The following PGBD1 variants were observed in gnomAD, a reference collection of about 807,000 sequenced individuals.
The protein encoded by PGBD1 is piggyBac transposable element derived 1, also known as piggyBac transposable element-derived protein 1.
In PGBD1, 25 loss-of-function variants were observed where a neutral mutation model predicts 34.7. The observed-to-expected ratio is 0.72, with a 90% CI of 0.52 to 1.00. The LOEUF (loss-of-function observed/expected upper bound fraction) is 1.00, where lower values mean the gene tolerates loss of function less well. PGBD1 is among the 50% of genes least tolerant of loss of function. The probability of loss-of-function intolerance (pLI) is 0.00; values close to 1 mark genes in which losing one functional copy is unlikely to be tolerated. For synonymous variants in PGBD1, 292 were observed against 335.7 expected, an observed-to-expected ratio of 0.87 and a Z score of 1.42; for missense variants, 830 against 959.4, an observed-to-expected ratio of 0.87 and a Z score of 1.78.
chr6:28,286,268 T>G (rs1467658322), intron 3 of PGBD1, among the ~76,000 whole-genome samples: 2 of 152,232 alleles, frequency 1.3e-5, no homozygotes, highest in African/African-American at 2.4e-5. Flanking sequence ...TTTATATTTT[T>G]GGGTTAGAAT....
intron 4 of PGBD1, among the ~76,000 whole-genome samples, chr6:28,292,748 G>T (rs1762499370): frequency 6.6e-6 from 1 of 151,830 alleles, no homozygotes; most frequent in African/African-American, 2.4e-5. Flanking sequence ...TTTGCAAATT[G>T]ACCAAGGGGT....
chr6:28,298,712 G>T (rs1441695413), intron 6 of PGBD1, among the ~76,000 whole-genome samples: 1 of 152,106 alleles, frequency 6.6e-6, no homozygotes, highest in Admixed American at 6.5e-5. Context: ...CATAAGTGCT[G>T]GTTGTGGGAA....
rs1762778727 is a variant in PGBD1, at chr6:28,300,090, T to C, written c.870-634T>C. ...CCCATAAAAATCAGTCCAAGTGCAATGAGTTGAGTTTCATTTGTTTTTCCC... is the reference window on the plus strand; with the variant it reads ...CCCATAAAAATCAGTCCAAGTGCAACGAGTTGAGTTTCATTTGTTTTTCCC... On this transcript the variant is annotated intron_variant, in intron 6 of 6. Coordinates refer to ENST00000682144, the MANE Select transcript of PGBD1 (RefSeq NM_032507.4). The surrounding 1 kb of genome is among the most constrained non-coding windows in gnomAD (Gnocchi z 4.0). 1.3e-5 allele frequency among the ~76,000 whole-genome samples: 2 copies of C among 152,040 alleles called. No homozygotes were observed. The highest frequency in any genetic ancestry group is 1.3e-4 in the Admixed American group (2 of 15,254).
intron 4 of PGBD1, among the ~76,000 whole-genome samples, chr6:28,288,796 T>C (rs1762363662): frequency 6.6e-6 from 1 of 152,038 alleles, no homozygotes; most frequent in South Asian, 2.1e-4. Context: ...GAGACCAGCC[T>C]GGCCTACCTG....
At position 28,295,097 on chromosome 6, in the gene PGBD1, C is replaced by T. The variant is rs139144133; in HGVS notation, c.643-1719C>T. Among the ~76,000 whole-genome samples the T allele has an allele frequency of 8.5e-5, 13 of 152,178 alleles. No homozygotes were observed. The South Asian group carries it at 1.9e-3, about 22-fold the overall frequency. ...AGTTTGGAAGAAATTGGTTCTAACA[C>T]TCATCATTGTCTTTGAGAGGTTTAG... On this transcript the variant is annotated intron_variant, in intron 4 of 6. Coordinates refer to ENST00000682144, the MANE Select transcript of PGBD1 (RefSeq NM_032507.4).
chr6:28,296,151 C>A (rs984064353), intron 4 of PGBD1, among the ~76,000 whole-genome samples: 5 of 152,176 alleles, frequency 3.3e-5, no homozygotes, highest in Non-Finnish European at 7.3e-5. Context: ...TTCCAGCCTA[C>A]ATATCATTAC....
Position 28,285,671 on chromosome 6 carries a change from C to T in PGBD1, c.517C>T (p.Pro173Ser). 2 of 1,614,048 alleles carry T rather than the reference C, an allele frequency of 1.2e-6. No individual in the cohort carries two copies. The highest frequency in any genetic ancestry group is 1.7e-6 in the Non-Finnish European group (2 of 1,180,024). ...PGITTLKCEP[P>S]QRPQGNPQEV... is the part of the protein sequence containing the mutation. Reference sequence around the variant, plus strand: ...GATAACCACCCTGAAGTGTGAACCTCCACAGCGTCCTCAAGGGAACCCCCA... The same window carrying T: ...GATAACCACCCTGAAGTGTGAACCTTCACAGCGTCCTCAAGGGAACCCCCA... The change falls in exon 3 of 7, where the codon CCA (proline) becomes TCA (serine). Residue 173 changes from proline (P) to serine (S), a missense_variant. Pro to Ser is a moderately conservative substitution (Grantham distance 74). Transcript: ENST00000682144.
intron 3 of PGBD1, 64 bp downstream of exon 3, chr6:28,285,771 C>A: frequency 6.6e-7 from 1 of 1,520,384 alleles, no homozygotes; most frequent in South Asian, 1.2e-5. Context: ...GCACAGCCTT[C>A]TTGACCTCAA....
In PGBD1 at chr6:28,297,024, C is replaced by T. The variant is rs985298162; in HGVS notation, c.772+79C>T. The T allele has an allele frequency of 3.2e-6, 5 of 1,545,548 alleles. No individual in the cohort carries two copies. The African/African-American group carries it at 5.5e-5, about 17-fold the overall frequency. Reference sequence around the variant, plus strand: ...TCACCCTGGCTTGGCCCTTGGGAGGCCACGTTTCCTACAGACCCACACCCT... The same window carrying T: ...TCACCCTGGCTTGGCCCTTGGGAGGTCACGTTTCCTACAGACCCACACCCT... On this transcript the variant is annotated intron_variant, in intron 5 of 6. Coordinates refer to ENST00000682144, the MANE Select transcript of PGBD1 (RefSeq NM_032507.4).
At chr6:28,298,566 ATCT>A (rs766771717) in intron 6 of PGBD1, among the ~76,000 whole-genome samples, 2 of 152,046 alleles carry the variant, frequency 1.3e-5, no homozygotes, top group African/African-American at 2.4e-5. Context: ...AAATTCAAAA[ATCT>A]TCTGACCCCA....
chr6:28,286,168 T>C (rs1488208276), intron 3 of PGBD1, among the ~76,000 whole-genome samples: 1 of 152,178 alleles, frequency 6.6e-6, no homozygotes, highest in Non-Finnish European at 1.5e-5. Context: ...CTTTATTCCT[T>C]CTAGAAATGC....
intron 1 of PGBD1, among the ~76,000 whole-genome samples, chr6:28,282,213 G>T (rs1242077352): frequency 6.6e-6 from 1 of 152,224 alleles, no homozygotes; most frequent in African/African-American, 2.4e-5. Flanking sequence ...TACTTAGCAT[G>T]GCAGTGACAT....
At chr6:28,293,824 C>T (rs1762544217) in intron 4 of PGBD1, among the ~76,000 whole-genome samples, 1 of 152,144 alleles carries the variant, frequency 6.6e-6, no homozygotes, top group Non-Finnish European at 1.5e-5. Context: ...TTCCTTGGTC[C>T]TTGCTATGTC....
At chr6:28,296,191 G>A (rs1762625305) in intron 4 of PGBD1, among the ~76,000 whole-genome samples, 1 of 152,158 alleles carries the variant, frequency 6.6e-6, no homozygotes, top group Non-Finnish European at 1.5e-5. Flanking sequence ...AACAATCTTT[G>A]TTGATGAAAT....
chr6:28,286,967 A>G, intron 3 of PGBD1, 113 bp from the exon 4 acceptor site: 1 of 769,854 alleles, frequency 1.3e-6, no homozygotes, highest in Non-Finnish European at 2.3e-6. Context: ...TCTACGTCTT[A>G]GTTCTTGAAT....
chr6:28,299,496 G>T (rs1762755499), intron 6 of PGBD1, among the ~76,000 whole-genome samples: 1 of 152,202 alleles, frequency 6.6e-6, no homozygotes, highest in Non-Finnish European at 1.5e-5. Flanking sequence ...AGTTATGGAT[G>T]TCAGGGAACT....
intron 4 of PGBD1, among the ~76,000 whole-genome samples, chr6:28,288,635 T>G (rs560128033): frequency 6.6e-6 from 1 of 152,146 alleles, no homozygotes; most frequent in Non-Finnish European, 1.5e-5. Context: ...GCAGGAGGAT[T>G]GCTTGAGGCC....
rs554167871 is a variant in PGBD1 at position 28,300,267 on chromosome 6, A to G, written c.870-457A>G. Among the ~76,000 whole-genome samples, 111 of 152,316 alleles carry G rather than the reference A, an allele frequency of 7.3e-4. 1 individual carries two copies. Among genetic ancestry groups the G allele is most frequent in the African/African-American group, 2.5e-3 (103 of 41,582 alleles). On this transcript the variant is annotated intron_variant, in intron 6 of 6. Coordinates refer to ENST00000682144, the MANE Select transcript of PGBD1 (RefSeq NM_032507.4). The surrounding 1 kb of genome is among the most constrained non-coding windows in gnomAD (Gnocchi z 4.0). Reference sequence around the variant, plus strand: ...AACCAATTGACAGGGATGCAGGAGTAAAATAGATGGTTCTGGAAACCTCAG... The same window carrying G: ...AACCAATTGACAGGGATGCAGGAGTGAAATAGATGGTTCTGGAAACCTCAG...
At chr6:28,286,683 C>T (rs1762293402) in intron 3 of PGBD1, among the ~76,000 whole-genome samples, 1 of 151,970 alleles carries the variant, frequency 6.6e-6, no homozygotes, top group Non-Finnish European at 1.5e-5. Flanking sequence ...TTCTGCTTTC[C>T]TGTTTCCCCT....
Sources: allele counts gnomAD v4.1 joint callset (sites outside exome capture counted in the v4.1 genomes callset), GRCh38; gene constraint gnomAD v4.1.1; non-coding constraint Gnocchi (gnomAD v3.1); transcripts MANE v1.5; gene names NCBI Gene and HGNC (gene_info 2026-07-23, HGNC 2026-07-21).